The following ABCA10 variants were observed in gnomAD, a reference collection of about 807,000 sequenced individuals.
ABCA10 encodes ATP binding cassette subfamily A member 10.
In ABCA10, 169 loss-of-function variants were observed where a neutral mutation model predicts 187.5. That is an observed-to-expected ratio of 0.90 (90% CI 0.80 to 1.02). The LOEUF is 1.02. Ranked by LOEUF, ABCA10 falls within the 50% of genes least tolerant of loss-of-function variation. The probability of loss-of-function intolerance (pLI) is 0.00; values close to 1 mark genes in which losing one functional copy is unlikely to be tolerated. For synonymous variants in ABCA10, 574 were observed against 601.8 expected (o/e 0.95, Z 0.68); for missense variants, 1,727 against 1,812.4 (o/e 0.95, Z 0.86).
At chr17:69,235,679 T>C (rs1355341224) in intron 1 of ABCA10, among the ~76,000 whole-genome samples, 3 of 152,054 alleles carry the variant, frequency 2.0e-5, no homozygotes, top group African/African-American at 7.2e-5. Flanking sequence ...ACTCTTTTTC[T>C]GTCCCATTTC....
chr17:69,152,315 C>T (rs1433307603), intron 35 of ABCA10, 47 bp downstream of exon 35: 1 of 1,589,786 alleles, frequency 6.3e-7, no homozygotes, highest in Non-Finnish European at 8.5e-7. Context: ...CTGAAACTCT[C>T]TCTATAAGAA....
chr17:69,202,989 T>C (rs1312763360), intron 9 of ABCA10, among the ~76,000 whole-genome samples: 1 of 152,082 alleles, frequency 6.6e-6, no homozygotes, highest in African/African-American at 2.4e-5. Context: ...AAAGCTAATA[T>C]AATGTAGGGG....
At chr17:69,163,803 T>A (rs781612844) in intron 27 of ABCA10, among the ~76,000 whole-genome samples, 1 of 152,206 alleles carries the variant, frequency 6.6e-6, no homozygotes, top group Non-Finnish European at 1.5e-5. Flanking sequence ...ATGCTGCATT[T>A]CTTACATACT....
At chr17:69,167,521 G>C (rs1433770786) in intron 25 of ABCA10, among the ~76,000 whole-genome samples, 1 of 152,144 alleles carries the variant, frequency 6.6e-6, no homozygotes, top group African/African-American at 2.4e-5. Context: ...AAAAGAGATT[G>C]TAGACAGGGC....
At chr17:69,238,054 C>T (rs1011857352) in intron 1 of ABCA10, among the ~76,000 whole-genome samples, 8 of 151,544 alleles carry the variant, frequency 5.3e-5, no homozygotes, top group East Asian at 1.9e-4. Flanking sequence ...CCCAGCTACT[C>T]GGGAGGCTGA....
Position 69,219,529 on chromosome 17 carries a change from T to C in ABCA10, c.530+16A>G. ...AATTAATGTATGATATACAGTAAAG[T>C]AGCAACTTAACTTACCAGAATGCTG... On this transcript the variant is annotated intron_variant, in intron 6 of 38. Coordinates refer to ENST00000690296, the MANE Select transcript of ABCA10 (RefSeq NM_001377321.1). 1.3e-6 allele frequency: 2 copies of C among 1,517,838 alleles called. No individual in the cohort carries two copies. Among genetic ancestry groups the C allele is most frequent in the Non-Finnish European group, 8.9e-7 (1 of 1,125,006 alleles). 94.0% of individuals were successfully genotyped at this position (1,517,838 alleles called of 1,614,324 possible).
At chr17:69,243,137 G>A (rs1217027087) in intron 1 of ABCA10, among the ~76,000 whole-genome samples, 5 of 152,216 alleles carry the variant, frequency 3.3e-5, no homozygotes, top group South Asian at 2.1e-4. Flanking sequence ...TTGATAGTGT[G>A]AGATAGCTCT....
At chr17:69,204,682 A>T (rs953277867) in intron 9 of ABCA10, among the ~76,000 whole-genome samples, 3 of 152,254 alleles carry the variant, frequency 2.0e-5, no homozygotes, top group African/African-American at 7.2e-5. Flanking sequence ...AAGCAGTTAC[A>T]TTTTAAATGG....
chr17:69,191,917 C>A (rs1053116890), intron 16 of ABCA10, among the ~76,000 whole-genome samples: 1 of 152,216 alleles, frequency 6.6e-6, no homozygotes, highest in African/African-American at 2.4e-5. Flanking sequence ...GCCATTCTAT[C>A]AATTAGATTT....
At position 69,225,362 on chromosome 17, in the gene ABCA10, C is replaced by T. The variant is rs764610428; in HGVS notation, c.-4G>A. 1.2e-6 allele frequency: 2 copies of T among 1,613,194 alleles called. No individual in the cohort carries two copies. Among genetic ancestry groups the T allele is most frequent in the Non-Finnish European group, 1.7e-6 (2 of 1,179,426 alleles). On this transcript the variant is annotated 5_prime_UTR_variant, in exon 3 of 39. Coordinates refer to ENST00000690296, the MANE Select transcript of ABCA10 (RefSeq NM_001377321.1). ...AAGCCAAGGCCATCTTATTCATTAT[C>T]CTTTGTGTTATGTTACTGACTGGTG...
intron 9 of ABCA10, among the ~76,000 whole-genome samples, chr17:69,214,013 G>A (rs1227534637): frequency 1.3e-5 from 2 of 152,060 alleles, no homozygotes; most frequent in African/African-American, 4.8e-5. Context: ...CTATACTTGA[G>A]CCAAATATTA....
intron 6 of ABCA10, among the ~76,000 whole-genome samples, chr17:69,217,121 C>T (rs2074712183): frequency 1.3e-5 from 2 of 151,910 alleles, no homozygotes; most frequent in East Asian, 3.9e-4. Context: ...GTGGCGGGCA[C>T]CTGTAATCCC....
chr17:69,214,686 A>G lies in ABCA10; in HGVS notation c.1006+18T>C. ...CAGAATTGCTTTAAATTTAACTTTA[A>G]CCACACTATTAACTTACCAGGTAAA... is the stretch of plus-strand genomic sequence containing the variant. On this transcript the variant is annotated intron_variant, in intron 9 of 38. Coordinates refer to ENST00000690296, the MANE Select transcript of ABCA10 (RefSeq NM_001377321.1). 5.5e-6 allele frequency: 8 copies of G among 1,452,030 alleles called. No homozygotes were observed. The highest frequency in any genetic ancestry group is 7.3e-6 in the Non-Finnish European group (8 of 1,096,616). The allele number at this position is 1,452,030 out of a possible 1,614,324, so 89.9% of individuals were successfully genotyped here.
intron 19 of ABCA10, 59 bp from the exon 20 acceptor site, chr17:69,185,702 C>CA: frequency 7.2e-7 from 1 of 1,379,812 alleles, no homozygotes; most frequent in Non-Finnish European, 1.0e-6. Flanking sequence ...TTATTTAAGT[C>CA]ACAAAGATGC....
In ABCA10 at chr17:69,235,554, T is replaced by C. The variant is rs143735876; in HGVS notation, c.-592-6694A>G. 1.1e-4 allele frequency among the ~76,000 whole-genome samples: 17 copies of C among 152,280 alleles called. 1 individual carries two copies. Among genetic ancestry groups the C allele is most frequent in the African/African-American group, 3.8e-4 (16 of 41,574 alleles). ...CTTAGTTCATTCAGTTCTGGCTTCT[T>C]AGACTGCCTTGCTGTCACTGCCACT... On this transcript the variant is annotated intron_variant, in intron 1 of 39. Transcript: ENST00000269081.
rs1287928775 is a variant in ABCA10 at position 69,177,992 on chromosome 17, G to GTT, written c.2770-2481_2770-2480dup. Among the ~76,000 whole-genome samples the GTT allele has an allele frequency of 8.5e-5, 10 of 117,512 alleles. 1 individual carries two copies. Among genetic ancestry groups the GTT allele is most frequent in the East Asian group, 4.3e-4 (2 of 4,636 alleles). 77.1% of individuals were successfully genotyped at this position (117,512 alleles called of 152,430 possible). A position where few individuals can be genotyped will look rare whatever the true frequency, so the allele number is the denominator to read the frequency against. On this transcript the variant is annotated intron_variant, in intron 22 of 38. Transcript: ENST00000690296. ...AAAAAAAATATATATATATATATAT[G>GTT]TTATATATATATATAGTGAAATAAT...
chr17:69,212,505 G>A (rs998855324), intron 9 of ABCA10, among the ~76,000 whole-genome samples: 17 of 152,150 alleles, frequency 1.1e-4, no homozygotes, highest in African/African-American at 2.4e-5. Context: ...TAAGACCATT[G>A]TTTCTTTGTT....
chr17:69,212,560 C>T (rs142496108), intron 9 of ABCA10, among the ~76,000 whole-genome samples: 2,605 of 152,208 alleles, frequency 0.017, 66 homozygotes, highest in African/African-American at 0.059. Context: ...AGTGGAGTAT[C>T]GAAGTCCCCC....
chr17:69,224,532 G>A (rs1209578600), intron 3 of ABCA10, among the ~76,000 whole-genome samples: 1 of 152,120 alleles, frequency 6.6e-6, no homozygotes, highest in African/African-American at 2.4e-5. Flanking sequence ...TGGCAGTAGA[G>A]ATATAAAGGA....
Sources: allele counts gnomAD v4.1 joint callset (sites outside exome capture counted in the v4.1 genomes callset), GRCh38; gene constraint gnomAD v4.1.1; transcripts MANE v1.5; gene names NCBI Gene and HGNC (gene_info 2026-07-23, HGNC 2026-07-21).